PCDHGA2: variants seen among roughly 807,000 people sequenced by gnomAD.
PCDHGA2 encodes protocadherin gamma subfamily A, 2.
In PCDHGA2, 40 loss-of-function variants were observed where a neutral mutation model predicts 59.2. That is an observed-to-expected ratio of 0.68 (90% CI 0.52 to 0.88). PCDHGA2 has a LOEUF of 0.88. PCDHGA2 is among the 40% of genes least tolerant of loss of function. PCDHGA2 has a pLI of 0.00. For missense variants in PCDHGA2, 1,226 were observed against 1,204.0 expected, an observed-to-expected ratio of 1.02 and a Z score of -0.27; for synonymous variants, 560 against 526.0, an observed-to-expected ratio of 1.06 and a Z score of -0.89.
chr5:141,419,540 C>A (rs999461892), intron 1 of PCDHGA2: 4 of 1,612,018 alleles, frequency 2.5e-6, no homozygotes. Flanking sequence ...CAACGCACCG[C>A]GGGTGCTGTA....
At chr5:141,501,550 A>G (rs1251701030) in intron 2 of PCDHGA2, among the ~76,000 whole-genome samples, 3 of 152,078 alleles carry the variant, frequency 2.0e-5, no homozygotes, top group Non-Finnish European at 4.4e-5. Flanking sequence ...ATAAGATCAT[A>G]GGCCCTGGAA....
chr5:141,408,922 G>C, intron 1 of PCDHGA2: 1 of 1,613,222 alleles, frequency 6.2e-7, no homozygotes. Context: ...ATAACCCCCC[G>C]GTTTTCAGCA....
Position 141,431,859 on chromosome 5 carries a change from C to T in PCDHGA2, c.2425-62948C>T. ...AACTCTCCCAGAGGGACATTAATTG[C>T]CCTTTTAAATGTAAATGACCAAGAT... On this transcript the variant is annotated intron_variant, in intron 1 of 3. Coordinates refer to ENST00000394576, the MANE Select transcript of PCDHGA2 (RefSeq NM_018915.4). The surrounding 1 kb of genome is among the most constrained non-coding windows in gnomAD (Gnocchi z 4.8). 3.1e-6 allele frequency: 5 copies of T among 1,614,178 alleles called. No homozygotes were observed. The highest frequency in any genetic ancestry group is 4.2e-6 in the Non-Finnish European group (5 of 1,180,008).
intron 1 of PCDHGA2, chr5:141,373,875 AAATC>A (rs3840507): frequency 0.061 from 29,734 of 483,624 alleles, 1,189 homozygotes; most frequent in African/African-American, 0.14. Context: ...CTGGGCAAGA[AAATC>A]AACGGAAACT....
At chr5:141,461,740 G>T (rs770518286) in intron 1 of PCDHGA2, among the ~76,000 whole-genome samples, 1 of 152,072 alleles carries the variant, frequency 6.6e-6, no homozygotes, top group African/African-American at 2.4e-5. Context: ...GCACAATCCC[G>T]GCTCCCAGAT....
At chr5:141,347,112 C>CTCCTTCCT (rs753513852) in intron 1 of PCDHGA2, among the ~76,000 whole-genome samples, 1 of 80,984 alleles carries the variant, frequency 1.2e-5, no homozygotes, top group African/African-American at 6.3e-5. Flanking sequence ...TCTCTCTTTC[C>CTCCTTCCT]TCCTTCCTTC....
At position 141,431,020 on chromosome 5, in the gene PCDHGA2, G is replaced by T. The variant is rs941765907; in HGVS notation, c.2425-63787G>T. ...CGCGCAGCGGCAGCTTGGTCACGGCGGGCAGGATAGACCGGGAGGAGCTCT... is the reference window on the plus strand; with the variant it reads ...CGCGCAGCGGCAGCTTGGTCACGGCTGGCAGGATAGACCGGGAGGAGCTCT... On this transcript the variant is annotated intron_variant, in intron 1 of 3. Coordinates refer to ENST00000394576, the MANE Select transcript of PCDHGA2 (RefSeq NM_018915.4). This position sits in a 1 kb window ranked among gnomAD's most constrained non-coding sequence, Gnocchi z 4.8. 2.5e-6 allele frequency: 4 copies of T among 1,614,050 alleles called. No homozygotes were observed. The East Asian group carries it at 8.9e-5, about 36-fold the overall frequency.
chr5:141,487,848 G>C lies in PCDHGA2; in HGVS notation c.2425-6959G>C. ...TCATGCCTATATCTGAGTAAGAAAT[G>C]AAAGTAATTGGTGATCAAGAGCCAG... is the stretch of plus-strand genomic sequence containing the variant. On this transcript the variant is annotated intron_variant, in intron 1 of 3. Coordinates refer to ENST00000394576, the MANE Select transcript of PCDHGA2 (RefSeq NM_018915.4). The surrounding 1 kb of genome is among the most constrained non-coding windows in gnomAD (Gnocchi z 5.0). 1 of 1,022,244 alleles carries C rather than the reference G, an allele frequency of 9.8e-7. No homozygotes were observed. The highest frequency in any genetic ancestry group is 1.4e-6 in the Non-Finnish European group (1 of 711,992). The allele number at this position is 1,022,244 out of a possible 1,614,324, so 63.3% of individuals were successfully genotyped here. A position where few individuals can be genotyped will look rare whatever the true frequency, so the allele number is the denominator to read the frequency against.
At chr5:141,383,499 G>A (rs1779188122) in intron 1 of PCDHGA2, 1 of 1,612,970 alleles carries the variant, frequency 6.2e-7, no homozygotes. Flanking sequence ...AGCGGGTGCT[G>A]GACCGGGAGG....
chr5:141,371,824 C>G, intron 1 of PCDHGA2: 1 of 1,613,844 alleles, frequency 6.2e-7, no homozygotes, highest in Non-Finnish European at 8.5e-7. Flanking sequence ...GTCAGAGCCT[C>G]GGATCCCGAC....
chr5:141,340,654 G>A lies in PCDHGA2; in HGVS notation c.1683G>A (p.Glu561=). ...TGGACCAGAACGACAACGCGCCCGAGATCCTGTACCCTGCCTTCCCCACAG... is the reference window on the plus strand; with the variant it reads ...TGGACCAGAACGACAACGCGCCCGAAATCCTGTACCCTGCCTTCCCCACAG... ...FVLDQNDNAP[E]ILYPAFPTDG... Residue 561 remains glutamate (E), a synonymous_variant, in exon 1 of 4, where the codon GAG becomes GAA. Transcript: ENST00000394576. 1.2e-6 allele frequency: 2 copies of A among 1,614,246 alleles called. No individual in the cohort carries two copies. Among genetic ancestry groups the A allele is most frequent in the Non-Finnish European group, 1.7e-6 (2 of 1,180,048 alleles).
intron 1 of PCDHGA2, chr5:141,413,285 A>G: frequency 1.9e-6 from 3 of 1,613,892 alleles, no homozygotes; most frequent in Non-Finnish European, 2.5e-6. Flanking sequence ...CAGATCTCCT[A>G]CTCAATTCCT....
chr5:141,435,882 C>G (rs780080571), intron 1 of PCDHGA2, among the ~76,000 whole-genome samples: 1 of 152,060 alleles, frequency 6.6e-6, no homozygotes, highest in African/African-American at 2.4e-5. Context: ...AGATTGGAAA[C>G]CCCTTAGAGA....
At chr5:141,374,338 C>T in intron 1 of PCDHGA2, 1 of 1,613,994 alleles carries the variant, frequency 6.2e-7, no homozygotes, top group Non-Finnish European at 8.5e-7. Context: ...GCAGCTTGGT[C>T]ACCGCGGGTA....
chr5:141,393,304 T>A, intron 1 of PCDHGA2: 1 of 1,613,798 alleles, frequency 6.2e-7, no homozygotes, highest in African/African-American at 1.3e-5. Flanking sequence ...GATGTGGGCG[T>A]GAACTCCCTC....
chr5:141,349,959 CAG>C (rs770513949), intron 1 of PCDHGA2: 10 of 252,082 alleles, frequency 4.0e-5, no homozygotes, highest in East Asian at 3.0e-4. Flanking sequence ...AAATTAAAGA[CAG>C]GGTACATAGA....
Position 141,505,556 on chromosome 5 carries a change from C to T in PCDHGA2, c.2572+75C>T, listed in dbSNP as rs2233611. ...GGGTGCATCTCACAGCCACCATGCC[C>T]ACGGACTGGATGTCAAACCTGTGTA... On this transcript the variant is annotated intron_variant, in intron 3 of 3. Transcript: ENST00000394576. 1,282 of 1,606,040 alleles carry T rather than the reference C, an allele frequency of 8.0e-4. 6 individuals are homozygous for T. In the African/African-American group the frequency reaches 0.013, roughly 16 times the overall value.
chr5:141,487,824 C>A lies in PCDHGA2; in HGVS notation c.2425-6983C>A. The stretch of plus-strand genomic sequence containing the variant: ...TCACAGTTTAGCATTGGGGGCGGGT[C>A]ATGCCTATATCTGAGTAAGAAATGA... On this transcript the variant is annotated intron_variant, in intron 1 of 3. Coordinates refer to ENST00000394576, the MANE Select transcript of PCDHGA2 (RefSeq NM_018915.4). This position sits in a 1 kb window ranked among gnomAD's most constrained non-coding sequence, Gnocchi z 5.0. 2 of 1,247,252 alleles carry A rather than the reference C, an allele frequency of 1.6e-6. No individual in the cohort carries two copies. The highest frequency in any genetic ancestry group is 2.9e-5 in the South Asian group (2 of 68,154). The allele number at this position is 1,247,252 out of a possible 1,614,324, so 77.3% of individuals were successfully genotyped here. A position where few individuals can be genotyped will look rare whatever the true frequency, so the allele number is the denominator to read the frequency against.
intron 1 of PCDHGA2, chr5:141,423,296 T>G (rs771340929): frequency 6.2e-7 from 1 of 1,614,124 alleles, no homozygotes; most frequent in Non-Finnish European, 8.5e-7. Context: ...ACCTCAGACC[T>G]CTCGCTGTAC....
Sources: allele counts gnomAD v4.1 joint callset (sites outside exome capture counted in the v4.1 genomes callset), GRCh38; gene constraint gnomAD v4.1.1; non-coding constraint Gnocchi (gnomAD v3.1); transcripts MANE v1.5; gene names NCBI Gene and HGNC (gene_info 2026-07-23, HGNC 2026-07-21).